The following MYH14 variants were observed in gnomAD, a reference collection of about 807,000 sequenced individuals.
MYH14 encodes myosin heavy chain 14, also known as myosin-14.
In MYH14, 123 loss-of-function variants were observed where a neutral mutation model predicts 255.5. That is an observed-to-expected ratio of 0.48 (90% CI 0.42 to 0.56). The LOEUF (loss-of-function observed/expected upper bound fraction) is 0.56, where lower values mean the gene tolerates loss of function less well. MYH14 is among the 20% of genes least tolerant of loss of function. The pLI is 0.00. For missense variants in MYH14, 2,423 were observed against 2,802.3 expected (o/e 0.86, Z 3.06); for synonymous variants, 1,095 against 1,161.2 (o/e 0.94, Z 1.16).
intron 24 of MYH14, among the ~76,000 whole-genome samples, chr19:50,270,535 A>AG: frequency 6.9e-6 from 1 of 144,650 alleles, no homozygotes; most frequent in East Asian, 2.2e-4. Context: ...AAAAAAAAAA[A>AG]AAGAAAAGAA....
At chr19:50,204,859 C>T (rs1449195183) in intron 1 of MYH14, among the ~76,000 whole-genome samples, 1 of 151,404 alleles carries the variant, frequency 6.6e-6, no homozygotes, top group Non-Finnish European at 1.5e-5. Context: ...CGTGGCATTG[C>T]ACTCCAAGCT....
intron 2 of MYH14, among the ~76,000 whole-genome samples, 163 bp downstream of exon 2, chr19:50,210,933 T>C (rs1290078399): frequency 1.3e-5 from 2 of 152,218 alleles, no homozygotes; most frequent in Non-Finnish European, 2.9e-5. Flanking sequence ...TTATGAATTG[T>C]TGGATTACTA....
intron 22 of MYH14, among the ~76,000 whole-genome samples, 160 bp downstream of exon 22, chr19:50,263,580 C>T (rs2034970023): frequency 6.6e-6 from 1 of 152,132 alleles, no homozygotes. Context: ...CTTTAGTTAG[C>T]AAGCAACAAG....
chr19:50,295,108 G>A (rs529338939), intron 39 of MYH14, among the ~76,000 whole-genome samples: 2 of 150,918 alleles, frequency 1.3e-5, no homozygotes, highest in Non-Finnish European at 2.9e-5. Context: ...GGCAGATCAC[G>A]AGGTCAGGAG....
rs45450595 is a variant in MYH14 at position 50,260,890 on chromosome 19, T to C, written c.2424+175T>C. 0.23 allele frequency among the ~76,000 whole-genome samples: 34,818 copies of C among 148,432 alleles called. 4,649 individuals carry two copies. Among genetic ancestry groups the C allele is most frequent in the East Asian group, 0.53 (2,647 of 5,038 alleles). ...ATGTGTGCATGCGTGTGTGTGCATG[T>C]GTGTGTGTGCATGCGTTTGTGTGCA... On this transcript the variant is annotated intron_variant, in intron 20 of 42. Coordinates refer to ENST00000642316, the MANE Select transcript of MYH14 (RefSeq NM_001145809.2).
rs999578108 is a variant in MYH14 at position 50,307,128 on chromosome 19, C to T, written c.5758C>T (p.Arg1920Trp). ...KEVVLQVEEE[R>W]RVADQLRDQL... is the part of the protein sequence containing the mutation. ...GGTGGTGCTCCAGGTGGAGGAGGAGCGGAGGGTGGCTGACCAGCTCCGGGA... is the reference window on the plus strand; with the variant it reads ...GGTGGTGCTCCAGGTGGAGGAGGAGTGGAGGGTGGCTGACCAGCTCCGGGA... Residue 1920 changes from arginine to tryptophan, a missense_variant, in exon 41 of 43, where the codon CGG becomes TGG. Arg to Trp is a moderately radical substitution (Grantham distance 101, BLOSUM62 -3). This residue lies in a region of MYH14 where 1,513 missense variants were observed against 1,674.8 expected (regional missense o/e 0.90). Coordinates refer to ENST00000642316, the MANE Select transcript of MYH14 (RefSeq NM_001145809.2). 8 of 1,549,434 alleles carry T rather than the reference C, an allele frequency of 5.2e-6. No individual in the cohort carries two copies. Among genetic ancestry groups the T allele is most frequent in the African/African-American group, 1.4e-5 (1 of 72,972 alleles).
chr19:50,239,625 C>T (rs2033810862), intron 10 of MYH14, among the ~76,000 whole-genome samples: 3 of 152,104 alleles, frequency 2.0e-5, no homozygotes, highest in Non-Finnish European at 2.9e-5. Flanking sequence ...TCTCCGCTCA[C>T]TGCAAGCTCC....
intron 10 of MYH14, among the ~76,000 whole-genome samples, chr19:50,238,340 C>T (rs1303873533): frequency 6.6e-6 from 1 of 152,238 alleles, no homozygotes; most frequent in African/African-American, 2.4e-5. Flanking sequence ...TGATGGAAGC[C>T]AGGTCTGGAC....
intron 33 of MYH14, among the ~76,000 whole-genome samples, chr19:50,283,650 C>G (rs963417069): frequency 3.3e-5 from 5 of 152,130 alleles, no homozygotes; most frequent in Non-Finnish European, 5.9e-5. Flanking sequence ...TCCCTAATGA[C>G]CAGTGACGTT....
chr19:50,251,588 TTTTA>T (rs1027897920), intron 15 of MYH14, among the ~76,000 whole-genome samples: 2 of 149,418 alleles, frequency 1.3e-5, no homozygotes, highest in African/African-American at 2.5e-5. Context: ...ATGTATTTTT[TTTTA>T]TTTGAGACAG....
chr19:50,219,384 C>A (rs929990796), intron 3 of MYH14, among the ~76,000 whole-genome samples: 5 of 151,710 alleles, frequency 3.3e-5, no homozygotes, highest in African/African-American at 1.2e-4. Context: ...ATTAAAAAAT[C>A]AAAAAATAAC....
chr19:50,258,926 T>C (rs2034710473), intron 18 of MYH14, among the ~76,000 whole-genome samples: 1 of 152,092 alleles, frequency 6.6e-6, no homozygotes, highest in African/African-American at 2.4e-5. Context: ...CTGCTTCACC[T>C]AGGGTATTTC....
At chr19:50,273,883 C>A (rs745937765) in intron 27 of MYH14, among the ~76,000 whole-genome samples, 1 of 151,962 alleles carries the variant, frequency 6.6e-6, no homozygotes, top group Non-Finnish European at 1.5e-5. Flanking sequence ...GTGATCCATT[C>A]GCTGAGGTTA....
intron 29 of MYH14, among the ~76,000 whole-genome samples, 185 bp from the exon 30 acceptor site, chr19:50,277,898 C>T (rs2123411461): frequency 6.9e-6 from 1 of 145,504 alleles, no homozygotes; most frequent in African/African-American, 2.6e-5. Context: ...GCTTGGGCAA[C>T]AAGACTGAAG....
At chr19:50,251,582 A>AT (rs1402754639) in intron 15 of MYH14, among the ~76,000 whole-genome samples, 136 of 143,988 alleles carry the variant, frequency 9.4e-4, no homozygotes, top group African/African-American at 3.3e-3. Context: ...ATATATATGT[A>AT]TTTTTTTTTA....
chr19:50,210,820 G>A, intron 2 of MYH14, 50 bp downstream of exon 2: 1 of 1,528,090 alleles, frequency 6.5e-7, no homozygotes, highest in Non-Finnish European at 8.8e-7. Flanking sequence ...GCTGCCGGTT[G>A]GGGAACCAGG....
intron 34 of MYH14, among the ~76,000 whole-genome samples, chr19:50,287,613 G>C (rs956586184): frequency 6.6e-6 from 1 of 151,542 alleles, no homozygotes; most frequent in African/African-American, 2.4e-5. Flanking sequence ...GGGTCTTGCT[G>C]TGTTGCCCAG....
rs577171736 is a variant in MYH14 at position 50,219,412 on chromosome 19, G to A, written c.562+1641G>A. ...AAAATAACATGTTGGTGTGGATACG[G>A]TGAAATGGGAACACTTTTACACTGC... On this transcript the variant is annotated intron_variant, in intron 3 of 42. Transcript: ENST00000642316. Among the ~76,000 whole-genome samples the A allele has an allele frequency of 5.7e-4, 86 of 152,140 alleles. 1 individual carries two copies. The South Asian group carries it at 0.017, about 31-fold the overall frequency.
At chr19:50,274,117 A>G (rs1000125552) in intron 27 of MYH14, among the ~76,000 whole-genome samples, 8 of 152,184 alleles carry the variant, frequency 5.3e-5, no homozygotes, top group African/African-American at 1.9e-4. Flanking sequence ...GACACTTCGC[A>G]TACCCTGAGC....
Sources: allele counts gnomAD v4.1 joint callset (sites outside exome capture counted in the v4.1 genomes callset), GRCh38; gene constraint gnomAD v4.1.1; regional missense constraint gnomAD v4.1.1; transcripts MANE v1.5; gene names NCBI Gene and HGNC (gene_info 2026-07-23, HGNC 2026-07-21).